MYH6: variants seen among roughly 807,000 people sequenced by gnomAD.
MYH6 encodes myosin-6.
Under a neutral mutation model 223.2 loss-of-function variants are expected in MYH6, and 126 were observed. That is an observed-to-expected ratio of 0.56 (90% CI 0.49 to 0.65). MYH6 has a LOEUF of 0.65. Ranked by LOEUF, MYH6 falls within the 30% of genes least tolerant of loss-of-function variation. The pLI is 0.00. For missense variants in MYH6, 2,040 were observed against 2,536.4 expected (o/e 0.80, Z 4.20); for synonymous variants, 978 against 1,010.2 (o/e 0.97, Z 0.61).
chr14:23,399,735 TG>T, intron 14 of MYH6: 1 of 190,016 alleles, frequency 5.3e-6, no homozygotes, highest in African/African-American at 2.4e-5. Context: ...ATGAAGGCCG[TG>T]GCTGGGCTGG....
rs780171572 is a variant in MYH6, at chr14:23,383,330, G to A, written c.5566-10C>T. ...TTTTGTCTTCCTCTGTCTGGGGGTG[G>A]GAGGGTGGGAGAAGCTGGTTTGGAG... is the stretch of plus-strand genomic sequence containing the variant. On this transcript the variant is annotated splice_polypyrimidine_tract_variant and intron_variant, in intron 36 of 38. Coordinates refer to ENST00000405093, the MANE Select transcript of MYH6 (RefSeq NM_002471.4). The A allele has an allele frequency of 1.8e-6, 1 of 563,422 alleles. No individual in the cohort carries two copies. The highest frequency in any genetic ancestry group is 3.3e-6 in the Non-Finnish European group (1 of 302,776). 34.9% of individuals were successfully genotyped at this position (563,422 alleles called of 1,614,324 possible).
At chr14:23,394,740 C>A (rs1443403529) in intron 20 of MYH6, among the ~76,000 whole-genome samples, 3 of 152,180 alleles carry the variant, frequency 2.0e-5, no homozygotes, top group African/African-American at 7.2e-5. Flanking sequence ...CATTGATCTA[C>A]CTGTGCGTTC....
rs1595058248 is a variant in MYH6, at chr14:23,396,328, C to T, written c.2385G>A (p.Arg795=). 6.2e-7 allele frequency: 1 copy of T among 1,614,196 alleles called. No homozygotes were observed. The highest frequency in any genetic ancestry group is 8.5e-7 in the Non-Finnish European group (1 of 1,180,036). The part of the protein sequence containing the change: ...RIITRMQAQA[R]GQLMRIEFKK... ...TGAACTCAATGCGCATGAGCTGGCC[C>T]CGGGCTTGGGCCTGCATGCGCGTGA... is the stretch of plus-strand genomic sequence containing the variant. Residue 795 remains arginine, a synonymous_variant, in exon 20 of 39, where the codon CGG becomes CGA. Transcript: ENST00000405093.
At chr14:23,383,132 A>C in intron 37 of MYH6, 93 bp downstream of exon 37, 1 of 1,147,704 alleles carries the variant, frequency 8.7e-7, no homozygotes, top group Non-Finnish European at 1.3e-6. Context: ...TTTATAGCAA[A>C]CTCTTTGTCC....
chr14:23,389,286 T>C, intron 28 of MYH6, 107 bp downstream of exon 28: 2 of 1,340,888 alleles, frequency 1.5e-6, no homozygotes, highest in Non-Finnish European at 2.1e-6. Flanking sequence ...CTGGAGGGTC[T>C]TTCCCTTGCA....
At position 23,388,906 on chromosome 14, in the gene MYH6, C is replaced by G. The variant is rs755359308; in HGVS notation, c.4128G>C (p.Lys1376Asn). Residue 1376 changes from lysine (K) to asparagine (N), a missense_variant, in exon 29 of 39, where the codon AAG (lysine) becomes AAC (asparagine). Transcript: ENST00000405093. ...ANSEVAQWRT[K>N]YETDAIQRTE... ...TCCGCTGAATGGCGTCCGTCTCATA[C>G]TTGGTCCTCCACTGGGCCACCTCCG... 6.2e-7 allele frequency: 1 copy of G among 1,613,828 alleles called. No individual in the cohort carries two copies. Among genetic ancestry groups the G allele is most frequent in the Non-Finnish European group, 8.5e-7 (1 of 1,180,048 alleles).
Position 23,394,161 on chromosome 14 carries a change from C to A in MYH6, c.2592G>T (p.Thr864=). The A allele has an allele frequency of 6.2e-7, 1 of 1,614,230 alleles. No homozygotes were observed. The highest frequency in any genetic ancestry group is 1.1e-5 in the South Asian group (1 of 91,084). ...MKEEFGRIKE[T]LEKSEARRKE... ...TGCGGCGAGCCTCGGACTTCTCCAG[C>A]GTCTCTTTGATGCGCCCGAACTCTT... The change falls in exon 21 of 39, where the codon ACG becomes ACT. Residue 864 remains threonine, a synonymous_variant. Coordinates refer to ENST00000405093, the MANE Select transcript of MYH6 (RefSeq NM_002471.4).
At position 23,397,526 on chromosome 14, in the gene MYH6, C is replaced by T. The variant is rs1425821073; in HGVS notation, c.1962+17G>A. Reference sequence around the variant, plus strand: ...GCCATTCCACCAGGTGTCCTGGCACCCCTGGGCCCTTCTTACCCGGTGGAG... The same window carrying T: ...GCCATTCCACCAGGTGTCCTGGCACTCCTGGGCCCTTCTTACCCGGTGGAG... On this transcript the variant is annotated intron_variant, in intron 16 of 38. Transcript: ENST00000405093. 6.2e-7 allele frequency: 1 copy of T among 1,613,458 alleles called. No homozygotes were observed. The highest frequency in any genetic ancestry group is 1.3e-5 in the African/African-American group (1 of 74,928).
intron 29 of MYH6, 49 bp downstream of exon 29, chr14:23,388,810 T>C: frequency 3.7e-6 from 6 of 1,613,962 alleles, no homozygotes; most frequent in Non-Finnish European, 5.1e-6. Flanking sequence ...CCAGGTCCTC[T>C]CGCCCCTTCC....
In MYH6 at chr14:23,388,062, C is replaced by T. The variant is rs1891092723; in HGVS notation, c.4359+93G>A. The T allele has an allele frequency of 3.1e-6, 5 of 1,609,206 alleles. No homozygotes were observed. In the South Asian group the frequency reaches 3.3e-5, roughly 11 times the overall value. On this transcript the variant is annotated intron_variant, in intron 30 of 38. Coordinates refer to ENST00000405093, the MANE Select transcript of MYH6 (RefSeq NM_002471.4). ...CCCGAGCCTGGGCTTAGCCCTCCTC[C>T]TCCACCTCCAAGGAGGTTGCCTTTG...
chr14:23,385,269 A>C (rs1890987027), intron 34 of MYH6, among the ~76,000 whole-genome samples: 2 of 151,906 alleles, frequency 1.3e-5, no homozygotes, highest in Non-Finnish European at 2.9e-5. Flanking sequence ...TTCAAATAGC[A>C]AAAGGTCTGC....
intron 15 of MYH6, 27 bp from the exon 16 acceptor site, chr14:23,397,640 A>T (rs369408141): frequency 4.3e-5 from 69 of 1,611,876 alleles, no homozygotes; most frequent in Non-Finnish European, 5.9e-5. Context: ...GAAATAATCA[A>T]CAGGAGCTGG....
intron 37 of MYH6, 127 bp downstream of exon 37, chr14:23,383,098 C>T: frequency 3.4e-6 from 3 of 892,534 alleles, no homozygotes; most frequent in East Asian, 2.6e-5. Context: ...CCAGATGTGT[C>T]AAACAAATGT....
At chr14:23,386,672 TG>T (rs1891036943) in intron 32 of MYH6, 49 bp from the exon 33 acceptor site, 1 of 1,563,098 alleles carries the variant, frequency 6.4e-7, no homozygotes, top group Admixed American at 1.8e-5. Flanking sequence ...AGGGCAGGGT[TG>T]AGAGGGAGGA....
rs779714653 is a variant in MYH6, at chr14:23,390,380, G to A, written c.3409C>T (p.Leu1137=). The A allele has an allele frequency of 6.2e-6, 10 of 1,606,296 alleles. No homozygotes were observed. The highest frequency in any genetic ancestry group is 5.1e-6 in the Non-Finnish European group (6 of 1,177,614). Residue 1137 remains leucine (L), a synonymous_variant, in exon 26 of 39, where the codon CTG becomes TTG. Coordinates refer to ENST00000405093, the MANE Select transcript of MYH6 (RefSeq NM_002471.4). The stretch of plus-strand genomic sequence containing the variant: ...AGCTCCCGAGACAGGTCTGAGCGCA[G>A]CTTCTCCACCTTAGCCCTGGCGGTG... The part of the protein sequence containing the change: ...ERTARAKVEK[L]RSDLSRELEE...
rs543231422 is a variant in MYH6 at position 23,397,559 on chromosome 14, A to G, written c.1946T>C (p.Val649Ala). The G allele has an allele frequency of 3.1e-6, 5 of 1,614,168 alleles. No homozygotes were observed. In the African/African-American group the frequency reaches 5.3e-5, roughly 17 times the overall value. The change falls in exon 16 of 39, where the codon GTG becomes GCG. Residue 649 changes from valine to alanine, a missense_variant. This residue lies in a region of MYH6 where 649 missense variants were observed against 877.3 expected (regional missense o/e 0.74). Coordinates refer to ENST00000405093, the MANE Select transcript of MYH6 (RefSeq NM_002471.4). ...GKKKGSSFQT[V>A]SALHRENLNK... ...CCTTCTTACCCGGTGGAGAGCCGAC[A>G]CCGTCTGGAAGGATGAGCCCTTTTT...
At position 23,393,323 on chromosome 14, in the gene MYH6, C is replaced by T; in HGVS notation, c.3105+19G>A. 1.2e-6 allele frequency: 2 copies of T among 1,614,080 alleles called. No individual in the cohort carries two copies. The highest frequency in any genetic ancestry group is 1.7e-6 in the Non-Finnish European group (2 of 1,179,938). On this transcript the variant is annotated intron_variant, in intron 23 of 38. Coordinates refer to ENST00000405093, the MANE Select transcript of MYH6 (RefSeq NM_002471.4). ...CAAAATCTTGCTCTGAGAGCAGGAG[C>T]ATGGTTCTTACTACTCACATCATCC...
intron 29 of MYH6, chr14:23,388,597 G>A (rs1891118111): frequency 4.7e-6 from 4 of 855,590 alleles, no homozygotes; most frequent in Non-Finnish European, 8.2e-6. Context: ...TAGCTCCTCT[G>A]ACCAACAAGC....
intron 25 of MYH6, among the ~76,000 whole-genome samples, chr14:23,392,176 G>C (rs1891252733): frequency 6.6e-6 from 1 of 151,932 alleles, no homozygotes; most frequent in Non-Finnish European, 1.5e-5. Context: ...AATATGAACA[G>C]AGCAGCTCAC....
Sources: allele counts gnomAD v4.1 joint callset (sites outside exome capture counted in the v4.1 genomes callset), GRCh38; gene constraint gnomAD v4.1.1; regional missense constraint gnomAD v4.1.1; transcripts MANE v1.5; gene names NCBI Gene and HGNC (gene_info 2026-07-23, HGNC 2026-07-21).